DNAAF4: variants seen among roughly 807,000 people sequenced by gnomAD.
The protein encoded by DNAAF4 is dynein axonemal assembly factor 4.
A neutral mutation model predicts 51.8 loss-of-function variants in DNAAF4; 43 were observed. The ratio of observed to expected loss-of-function variants is 0.83; its 90% CI spans 0.65 to 1.07. The LOEUF (loss-of-function observed/expected upper bound fraction) is 1.07, where lower values mean the gene tolerates loss of function less well. Ranked by LOEUF, DNAAF4 falls within the 50% of genes least tolerant of loss-of-function variation. The pLI is 0.00. For synonymous variants in DNAAF4, 194 were observed against 165.6 expected (o/e 1.17, Z -1.32); for missense variants, 581 against 493.0 (o/e 1.18, Z -1.69).
intron 5 of DNAAF4, among the ~76,000 whole-genome samples, chr15:55,463,573 A>G (rs905872326): frequency 2.0e-5 from 3 of 152,208 alleles, no homozygotes; most frequent in African/African-American, 7.2e-5. Flanking sequence ...GATCTGATAT[A>G]TGAATTCAAG....
At position 55,439,539 on chromosome 15, in the gene DNAAF4, C is replaced by A; in HGVS notation, c.826G>T (p.Asp276Tyr). 6.2e-7 allele frequency: 1 copy of A among 1,614,060 alleles called. No homozygotes were observed. Among genetic ancestry groups the A allele is most frequent in the Non-Finnish European group, 8.5e-7 (1 of 1,179,998 alleles). Residue 276 changes from aspartate (D) to tyrosine (Y), a missense_variant, in exon 7 of 10, where the codon GAC becomes TAC. Asp to Tyr is a radical substitution (Grantham distance 160). Coordinates refer to ENST00000321149, the MANE Select transcript of DNAAF4 (RefSeq NM_130810.4). ...TTTAAATCGCAAAGTTCAGCTATGT[C>A]AGTATTCATTGCTCTTCGTGCCTCA... is the stretch of plus-strand genomic sequence containing the variant. ...QAEARRAMNT[D>Y]IAELCDLKEE...
chr15:55,452,427 G>T (rs888340535), intron 5 of DNAAF4, among the ~76,000 whole-genome samples: 2 of 151,536 alleles, frequency 1.3e-5, no homozygotes, highest in African/African-American at 4.8e-5. Flanking sequence ...AAACTATATT[G>T]CTACAGAAAA....
intron 6 of DNAAF4, chr15:55,443,340 G>T: frequency 1.1e-6 from 1 of 922,720 alleles, no homozygotes; most frequent in Non-Finnish European, 1.7e-6. Flanking sequence ...GGAGGCGCCT[G>T]GCGCAGCTCC....
chr15:55,426,534 A>G (rs935054115), downstream of DNAAF4, among the ~76,000 whole-genome samples: 1 of 152,166 alleles, frequency 6.6e-6, no homozygotes, highest in South Asian at 2.1e-4. Flanking sequence ...TGTCTCAGTC[A>G]TTGTCCTGCC....
At chr15:55,447,844 A>G (rs1354872835) in intron 6 of DNAAF4, among the ~76,000 whole-genome samples, 2 of 47,458 alleles carry the variant, frequency 4.2e-5, no homozygotes, top group Non-Finnish European at 8.2e-5. Context: ...GGGAGAGGGG[A>G]GAGGGCAGAG....
At chr15:55,488,982 G>A (rs990818800) in intron 4 of DNAAF4, among the ~76,000 whole-genome samples, 17 of 151,872 alleles carry the variant, frequency 1.1e-4, no homozygotes, top group Non-Finnish European at 2.4e-4. Flanking sequence ...CCACCTATTC[G>A]GGAGGCTGAG....
Position 55,438,408 on chromosome 15 carries a change from T to C in DNAAF4, c.893+1064A>G, listed in dbSNP as rs147091893. ...ATAAAATGACTGCCCAGATATAAGA[T>C]AATTTCTGGGATAATATGGTAATCT... On this transcript the variant is annotated intron_variant, in intron 7 of 9. Coordinates refer to ENST00000321149, the MANE Select transcript of DNAAF4 (RefSeq NM_130810.4). 1.8e-4 allele frequency among the ~76,000 whole-genome samples: 28 copies of C among 151,672 alleles called. No homozygotes were observed. In the East Asian group the frequency reaches 5.3e-3, roughly 29 times the overall value.
intron 5 of DNAAF4, among the ~76,000 whole-genome samples, chr15:55,463,196 A>C (rs959098279): frequency 1.3e-5 from 2 of 151,792 alleles, no homozygotes; most frequent in African/African-American, 4.8e-5. Context: ...ACACACACAC[A>C]CACACACACA....
At chr15:55,448,849 G>C (rs1014670681) in intron 6 of DNAAF4, among the ~76,000 whole-genome samples, 1 of 151,016 alleles carries the variant, frequency 6.6e-6, no homozygotes. Flanking sequence ...CAGCCTAGGG[G>C]ACAGAGCGAG....
chr15:55,481,362 G>A (rs890772507), intron 4 of DNAAF4, among the ~76,000 whole-genome samples: 2 of 152,182 alleles, frequency 1.3e-5, no homozygotes, highest in African/African-American at 2.4e-5. Flanking sequence ...GGGGCCCCTG[G>A]TCAAGGATAC....
At chr15:55,444,093 G>C (rs1233593999) in intron 6 of DNAAF4, among the ~76,000 whole-genome samples, 5 of 152,114 alleles carry the variant, frequency 3.3e-5, no homozygotes, top group Middle Eastern at 3.2e-3. Flanking sequence ...ATTGCTTTTG[G>C]TGTTTTAGAC....
At chr15:55,494,543 C>G (rs935306239) in intron 3 of DNAAF4, among the ~76,000 whole-genome samples, 1 of 152,096 alleles carries the variant, frequency 6.6e-6, no homozygotes, top group African/African-American at 2.4e-5. Flanking sequence ...TCCCAAGTAG[C>G]TGGGACTACA....
chr15:55,427,001 T>C (rs61132695), downstream of DNAAF4, among the ~76,000 whole-genome samples: 507 of 152,278 alleles, frequency 3.3e-3, 1 homozygote, highest in African/African-American at 0.012. Context: ...ACACGGAAAT[T>C]GCAACAGAGA....
intron 7 of DNAAF4, among the ~76,000 whole-genome samples, chr15:55,421,325 A>C (rs898383250): frequency 2.0e-5 from 3 of 151,928 alleles, no homozygotes; most frequent in Non-Finnish European, 4.4e-5. Flanking sequence ...ACATGGTGAG[A>C]CCACATCTCT....
chr15:55,426,056 G>T (rs1458943232), downstream of DNAAF4, among the ~76,000 whole-genome samples: 1 of 152,164 alleles, frequency 6.6e-6, no homozygotes, highest in Non-Finnish European at 1.5e-5. Context: ...TGGGTGGGGG[G>T]AAGCCAGTGA....
chr15:55,458,568 T>C (rs117125064), intron 5 of DNAAF4, among the ~76,000 whole-genome samples: 1 of 152,284 alleles, frequency 6.6e-6, no homozygotes, highest in Non-Finnish European at 1.5e-5. Context: ...ATAAGAATAA[T>C]TGGTGCTCCT....
At chr15:55,429,542 G>A (rs2141393091), downstream of DNAAF4, among the ~76,000 whole-genome samples, 1 of 148,902 alleles carries the variant, frequency 6.7e-6, no homozygotes, top group East Asian at 2.0e-4. Context: ...AAAAAGGCTG[G>A]GCGCGGTGGC....
chr15:55,450,020 G>A (rs183204213), intron 6 of DNAAF4, among the ~76,000 whole-genome samples: 5 of 151,912 alleles, frequency 3.3e-5, no homozygotes, highest in Admixed American at 1.3e-4. Context: ...TATTAAGTCG[G>A]TATTCTCTTA....
At chr15:55,464,842 C>T (rs1394770017) in intron 5 of DNAAF4, among the ~76,000 whole-genome samples, 1 of 152,110 alleles carries the variant, frequency 6.6e-6, no homozygotes, top group Non-Finnish European at 1.5e-5. Context: ...GTAATCCTAG[C>T]TACTCGGGAG....
Sources: allele counts gnomAD v4.1 joint callset (sites outside exome capture counted in the v4.1 genomes callset), GRCh38; gene constraint gnomAD v4.1.1; transcripts MANE v1.5; gene names NCBI Gene and HGNC (gene_info 2026-07-23, HGNC 2026-07-21).